ARL13A: variants seen among roughly 807,000 people sequenced by gnomAD.
ARL13A encodes the protein ADP-ribosylation factor-like protein 13A.
A neutral mutation model predicts 19.1 loss-of-function variants in ARL13A; 16 were observed. That is an observed-to-expected ratio of 0.84 (90% confidence interval 0.57 to 1.27). ARL13A has a LOEUF of 1.27. Among genes scored for constraint, ARL13A ranks in the 50% most tolerant of loss-of-function variants. The pLI, the probability that ARL13A is intolerant of heterozygous loss-of-function variation, is 0.00. For missense variants in ARL13A, 153 were observed against 186.4 expected (o/e 0.82, Z 1.04); for synonymous variants, 69 against 71.3 (o/e 0.97, Z 0.17).
intron 3 of ARL13A, among the ~76,000 whole-genome samples, chrX:100,983,334 A>G (rs1189182208): frequency 1.8e-5 from 2 of 111,019 alleles, no homozygotes; most frequent in Non-Finnish European, 3.8e-5. Flanking sequence ...GGAAACTCTA[A>G]TATTACCTTT....
At chrX:100,990,342 T>A in intron 7 of ARL13A, 1 of 924,057 alleles carries the variant, frequency 1.1e-6, no homozygotes, top group Non-Finnish European at 1.3e-6. Flanking sequence ...ACAGAGAAAG[T>A]AAAAGAAAGT....
At chrX:100,984,447 C>T (rs958554088) in intron 3 of ARL13A, among the ~76,000 whole-genome samples, 9 of 111,612 alleles carry the variant, frequency 8.1e-5, no homozygotes, top group Non-Finnish European at 1.1e-4. Context: ...CCAAGACTAC[C>T]GTTTTCAACT....
chrX:100,986,786 G>T lies in ARL13A; in HGVS notation c.381-10G>T. On this transcript the variant is annotated splice_polypyrimidine_tract_variant and intron_variant, in intron 4 of 7. Coordinates refer to ENST00000450049, the MANE Select transcript of ARL13A (RefSeq NM_001162491.2). Reference sequence around the variant, plus strand: ...CACTCTTTTCCTCCCTCTCTCATATGCTGTTTTAGTTTAGCAAACAAACAA... The same window carrying T: ...CACTCTTTTCCTCCCTCTCTCATATTCTGTTTTAGTTTAGCAAACAAACAA... The T allele has an allele frequency of 8.7e-7, 1 of 1,149,701 alleles. No individual in the cohort carries two copies. Among genetic ancestry groups the T allele is most frequent in the Non-Finnish European group, 1.2e-6 (1 of 848,891 alleles). The allele number at this position is 1,149,701 out of a possible 1,213,427, so 94.7% of individuals were successfully genotyped here.
chrX:100,982,533 A>T, intron 3 of ARL13A, among the ~76,000 whole-genome samples: 1 of 110,292 alleles, frequency 9.1e-6, no homozygotes, highest in South Asian at 3.9e-4. Context: ...GATCATGGAG[A>T]ACAGTGGATA....
intron 5 of ARL13A, 57 bp from the exon 6 acceptor site, chrX:100,987,333 C>T (rs763490770): frequency 7.1e-5 from 81 of 1,134,390 alleles, no homozygotes; most frequent in Admixed American, 9.9e-5. Flanking sequence ...ACTGGTTCTG[C>T]GGGCCCCAGG....
chrX:100,973,614 T>C, intron 1 of ARL13A, 62 bp from the exon 2 acceptor site: 1 of 1,094,924 alleles, frequency 9.1e-7, no homozygotes. Flanking sequence ...ATAAGCTGAC[T>C]AAAGGCTCAG....
intron 4 of ARL13A, 74 bp downstream of exon 4, chrX:100,985,990 G>A: frequency 9.0e-7 from 1 of 1,111,963 alleles, no homozygotes; most frequent in East Asian, 3.1e-5. Context: ...GAAGGGTGGG[G>A]TGGTCCCTTT....
At chrX:100,984,771 G>A (rs1413914903) in intron 3 of ARL13A, among the ~76,000 whole-genome samples, 1 of 112,217 alleles carries the variant, frequency 8.9e-6, no homozygotes, top group Non-Finnish European at 1.9e-5. Flanking sequence ...AGAGAAGTGA[G>A]AAGTGGACAG....
In ARL13A at chrX:100,990,583, C is replaced by T; in HGVS notation, c.766C>T (p.His256Tyr). ...ILQPSNQSYT[H>Y] ...CTAGCCATCAAATCAATCCTATACT[C>T]ACTGAGAGGCTCAAGAAGAGTGAGA... Residue 256 changes from histidine (H) to tyrosine (Y), a missense_variant, in exon 8 of 8, where the codon CAC (histidine) becomes TAC (tyrosine). By Grantham distance (83) the His-to-Tyr change is moderately conservative. Transcript: ENST00000450049. 1 of 1,159,292 alleles carries T rather than the reference C, an allele frequency of 8.6e-7. No homozygotes were observed. The highest frequency in any genetic ancestry group is 1.2e-6 in the Non-Finnish European group (1 of 867,603).
intron 1 of ARL13A, among the ~76,000 whole-genome samples, chrX:100,971,352 C>T (rs941547537): frequency 2.6e-4 from 28 of 106,871 alleles, no homozygotes; most frequent in Non-Finnish European, 4.4e-4. Flanking sequence ...CCGATAGGTC[C>T]GTCTAGAAGC....
chrX:100,986,749 G>A (rs776688937), intron 4 of ARL13A, 47 bp from the exon 5 acceptor site: 5 of 932,441 alleles, frequency 5.4e-6, no homozygotes, highest in Non-Finnish European at 7.4e-6. Flanking sequence ...TTCTGTTTTG[G>A]TTTCACTCTT....
chrX:100,989,939 G>A (rs750212316), intron 7 of ARL13A, among the ~76,000 whole-genome samples: 5 of 112,731 alleles, frequency 4.4e-5, no homozygotes, highest in East Asian at 5.6e-4. Flanking sequence ...AGAGTAGAGC[G>A]GAAGGAAGTG....
chrX:100,987,330 C>T (rs774802584), intron 5 of ARL13A, 60 bp from the exon 6 acceptor site: 909 of 1,120,602 alleles, frequency 8.1e-4, no homozygotes, highest in Middle Eastern at 2.5e-3. Context: ...GTGACTGGTT[C>T]TGCGGGCCCC....
Position 100,986,869 on chromosome X carries a change from C to A in ARL13A, c.454C>A (p.Leu152Ile). Residue 152 changes from leucine (L) to isoleucine (I), a missense_variant, in exon 5 of 8, where the codon CTA becomes ATA. Leu to Ile is a conservative substitution (Grantham distance 5). Transcript: ENST00000450049. Reference sequence around the variant, plus strand: ...TATTGACTATCTACTTCTAAAGAAGCTAGTGAAAGAGAATAAGTGCCCATG... The same window carrying A: ...TATTGACTATCTACTTCTAAAGAAGATAGTGAAAGAGAATAAGTGCCCATG... ...DIIDYLLLKK[L>I]VKENKCPCRV... The A allele has an allele frequency of 8.3e-7, 1 of 1,201,156 alleles. No individual in the cohort carries two copies. Among genetic ancestry groups the A allele is most frequent in the Admixed American group, 2.2e-5 (1 of 45,309 alleles).
At chrX:100,987,367 C>G (rs2085950575) in intron 5 of ARL13A, 23 bp from the exon 6 acceptor site, 1 of 1,203,975 alleles carries the variant, frequency 8.3e-7, no homozygotes, top group Non-Finnish European at 1.1e-6. Flanking sequence ...AGGTCTGCAG[C>G]CTTCTCTTCT....
intron 3 of ARL13A, among the ~76,000 whole-genome samples, chrX:100,981,273 G>T (rs2085849799): frequency 8.9e-6 from 1 of 112,015 alleles, no homozygotes; most frequent in Admixed American, 9.4e-5. Context: ...TTTCCCTCTG[G>T]CTAGGGCTGG....
At chrX:100,978,948 ATTACT>A (rs753821125) in intron 3 of ARL13A, among the ~76,000 whole-genome samples, 2 of 111,033 alleles carry the variant, frequency 1.8e-5, no homozygotes, top group Non-Finnish European at 3.8e-5. Context: ...TGGAAACCCC[ATTACT>A]TTAAACTGAT....
Position 100,973,713 on chromosome X carries a change from C to T in ARL13A, c.24C>T (p.Cys8=). Residue 8 remains cysteine, a synonymous_variant, in exon 2 of 8, where the codon TGC becomes TGT. Transcript: ENST00000450049. Reference sequence around the variant, plus strand: ...TCATGTTCCGGCTTTTGTCCTCCTGCTGCTCTTGCCTAAGGACAACAGAAG... The same window carrying T: ...TCATGTTCCGGCTTTTGTCCTCCTGTTGCTCTTGCCTAAGGACAACAGAAG... MFRLLSS[C]CSCLRTTEET... 1 of 1,211,327 alleles carries T rather than the reference C, an allele frequency of 8.3e-7. No individual in the cohort carries two copies. The highest frequency in any genetic ancestry group is 1.1e-6 in the Non-Finnish European group (1 of 895,053).
intron 1 of ARL13A, among the ~76,000 whole-genome samples, chrX:100,970,119 C>G (rs1053484555): frequency 7.1e-5 from 8 of 112,549 alleles, no homozygotes; most frequent in Non-Finnish European, 1.5e-4. Context: ...GCCTCTTCTC[C>G]AAGGGAGATG....
Sources: allele counts gnomAD v4.1 joint callset (sites outside exome capture counted in the v4.1 genomes callset), GRCh38; gene constraint gnomAD v4.1.1; transcripts MANE v1.5; gene names NCBI Gene and HGNC (gene_info 2026-07-23, HGNC 2026-07-21).